The following EDRF1 variants were observed in gnomAD, a reference collection of about 807,000 sequenced individuals.
EDRF1 encodes the protein erythroid differentiation regulatory factor 1.
EDRF1 carries 69 observed loss-of-function variants against 148.7 expected under a neutral mutation model. That is an observed-to-expected ratio of 0.46 (90% CI 0.38 to 0.57). The LOEUF is 0.57. EDRF1 is among the 20% of genes least tolerant of loss of function. The pLI, the probability that EDRF1 is intolerant of heterozygous loss-of-function variation, is 0.00. For missense variants in EDRF1, 1,118 were observed against 1,478.7 expected, an observed-to-expected ratio of 0.76 and a Z score of 4.00; for synonymous variants, 515 against 532.8, an observed-to-expected ratio of 0.97 and a Z score of 0.46.
intron 24 of EDRF1, among the ~76,000 whole-genome samples, chr10:125,754,070 A>C (rs1360716860): frequency 6.6e-6 from 1 of 151,672 alleles, no homozygotes; most frequent in Non-Finnish European, 1.5e-5. Flanking sequence ...ACAAAAACTA[A>C]CCGGTATGGT....
chr10:125,749,279 G>T, intron 21 of EDRF1, 133 bp from the exon 22 acceptor site: 13 of 941,780 alleles, frequency 1.4e-5, no homozygotes, highest in Non-Finnish European at 2.2e-5. Flanking sequence ...ATGGATTAAA[G>T]ACCTAAATAT....
chr10:125,751,854 G>A (rs1589867854), intron 22 of EDRF1: 1 of 152,284 alleles, frequency 6.6e-6, no homozygotes, highest in African/African-American at 2.4e-5. Context: ...GAGTCCTGGA[G>A]AGTTCTAAGC....
chr10:125,751,272 C>G (rs1368178819), intron 22 of EDRF1, among the ~76,000 whole-genome samples: 1 of 152,192 alleles, frequency 6.6e-6, no homozygotes, highest in Non-Finnish European at 1.5e-5. Flanking sequence ...AAATGTTTTA[C>G]TACTGTGAGT....
rs968126271 is a variant in EDRF1 at position 125,745,323 on chromosome 10, G to A, written c.2591-384G>A. The A allele has an allele frequency of 2.3e-5, 5 of 221,210 alleles. 1 individual carries two copies. Among genetic ancestry groups the A allele is most frequent in the South Asian group, 1.7e-4 (2 of 12,070 alleles). 13.7% of individuals were successfully genotyped at this position (221,210 alleles called of 1,614,324 possible). On this transcript the variant is annotated intron_variant, in intron 18 of 24. Coordinates refer to ENST00000356792, the MANE Select transcript of EDRF1 (RefSeq NM_001202438.2). The stretch of plus-strand genomic sequence containing the variant: ...TTTCTACCTTGGCTTGCAGATAACC[G>A]CCTTGTCACCGTGTCCACACAGGGC...
At position 125,725,357 on chromosome 10, in the gene EDRF1, C is replaced by T. The variant is rs771783717; in HGVS notation, c.550C>T (p.Leu184Phe). The T allele has an allele frequency of 1.2e-6, 2 of 1,613,882 alleles. No individual in the cohort carries two copies. Among genetic ancestry groups the T allele is most frequent in the Admixed American group, 1.7e-5 (1 of 60,012 alleles). ...ATGGTTGAAAGAGTTTTATCAAAGACTCATTGATCAGAAGTGGCAGAGGAA... is the reference window on the plus strand; with the variant it reads ...ATGGTTGAAAGAGTTTTATCAAAGATTCATTGATCAGAAGTGGCAGAGGAA... ...WTWLKEFYQR[L>F]IDQKWQRKKK... Residue 184 changes from leucine to phenylalanine, a missense_variant, in exon 5 of 25, where the codon CTC (leucine) becomes TTC (phenylalanine). Coordinates refer to ENST00000356792, the MANE Select transcript of EDRF1 (RefSeq NM_001202438.2).
At chr10:125,739,116 A>G (rs1848884442) in intron 15 of EDRF1, among the ~76,000 whole-genome samples, 1 of 151,554 alleles carries the variant, frequency 6.6e-6, no homozygotes, top group African/African-American at 2.4e-5. Flanking sequence ...ATCAGTTTCA[A>G]TTGTTTAAAA....
chr10:125,738,397 G>A lies in EDRF1; in HGVS notation c.1933G>A (p.Gly645Arg), dbSNP rs760879899. The A allele has an allele frequency of 3.5e-5, 56 of 1,614,012 alleles. No homozygotes were observed. The highest frequency in any genetic ancestry group is 2.3e-4 in the Admixed American group (14 of 59,992). Residue 645 changes from glycine to arginine, a missense_variant, in exon 15 of 25, where the codon GGG becomes AGG. This residue lies in a region of EDRF1 where 954 missense variants were observed against 1,241.4 expected (regional missense o/e 0.77). Transcript: ENST00000356792. ...AAAATATGAAGATGAATCCTCAAGAGGGGGTCCCGAGGGGCTAGAGAAGCA... is the reference window on the plus strand; with the variant it reads ...AAAATATGAAGATGAATCCTCAAGAAGGGGTCCCGAGGGGCTAGAGAAGCA... The part of the protein sequence containing the change: ...PLKYEDESSR[G>R]GPEGLEKQMA...
intron 16 of EDRF1, 95 bp from the exon 17 acceptor site, chr10:125,740,906 G>A (rs936670842): frequency 2.7e-5 from 35 of 1,307,196 alleles, no homozygotes; most frequent in Non-Finnish European, 3.4e-5. Context: ...GTGCTACAAA[G>A]CGTTCAGCTG....
chr10:125,747,353 A>G, intron 19 of EDRF1, 183 bp from the exon 20 acceptor site: 1 of 714,108 alleles, frequency 1.4e-6, no homozygotes, highest in Non-Finnish European at 2.3e-6. Flanking sequence ...TACTCGGAAT[A>G]ACTTTCTTCA....
At chr10:125,722,687 C>T (rs2133662107) in intron 2 of EDRF1, among the ~76,000 whole-genome samples, 1 of 152,082 alleles carries the variant, frequency 6.6e-6, no homozygotes, top group Non-Finnish European at 1.5e-5. Flanking sequence ...ATAAATGTTT[C>T]TGTTTCTGTT....
At chr10:125,745,646 C>G in intron 18 of EDRF1, 61 bp from the exon 19 acceptor site, 1 of 1,551,366 alleles carries the variant, frequency 6.4e-7, no homozygotes, top group African/African-American at 1.4e-5. Context: ...CATCAAGAGA[C>G]AGTGCTAAGG....
In EDRF1 at chr10:125,763,647, TCTTCA is replaced by T. The variant is rs1460583527; in HGVS notation, c.*179_*183del. On this transcript the variant is annotated 3_prime_UTR_variant, in exon 25 of 25. Transcript: ENST00000356792. The surrounding 1 kb of genome is among the most constrained non-coding windows in gnomAD (Gnocchi z 4.3). ...CAAATTACGGTTGAGTTCTGTGGCTTCTTCACTTGAAGTGCTAACATCAGAATCAA... is the reference window on the plus strand; with the variant it reads ...CAAATTACGGTTGAGTTCTGTGGCTTCTTGAAGTGCTAACATCAGAATCAA... 1 of 735,348 alleles carries T rather than the reference TCTTCA, an allele frequency of 1.4e-6. No homozygotes were observed. Among genetic ancestry groups the T allele is most frequent in the African/African-American group, 1.8e-5 (1 of 56,458 alleles). The allele number at this position is 735,348 out of a possible 1,614,324, so 45.6% of individuals were successfully genotyped here. A position where few individuals can be genotyped will look rare whatever the true frequency, so the allele number is the denominator to read the frequency against.
At position 125,729,048 on chromosome 10, in the gene EDRF1, T is replaced by G. The variant is rs1848385983; in HGVS notation, c.838T>G (p.Ser280Ala). ...CTCATACATAGTGGGGCATGTGGCC[T>G]CAGCCCCCAAAGAACAAAACCTGAT... is the stretch of plus-strand genomic sequence containing the variant. Reference protein sequence around the residue: ...EPSYIVGHVASAPKEQNLITL... With the variant: ...EPSYIVGHVAAAPKEQNLITL... Residue 280 changes from serine to alanine, a missense_variant, in exon 7 of 25, where the codon TCA (serine) becomes GCA (alanine). Ser to Ala is a moderately conservative substitution (Grantham distance 99). Transcript: ENST00000356792. 6.3e-7 allele frequency: 1 copy of G among 1,582,950 alleles called. No homozygotes were observed. Among genetic ancestry groups the G allele is most frequent in the African/African-American group, 1.3e-5 (1 of 74,690 alleles).
intron 22 of EDRF1, among the ~76,000 whole-genome samples, chr10:125,750,073 G>A (rs955935399): frequency 6.6e-6 from 1 of 152,128 alleles, no homozygotes; most frequent in Admixed American, 6.5e-5. Flanking sequence ...CCCAGGAGGC[G>A]AAGGTTGCAG....
intron 24 of EDRF1, among the ~76,000 whole-genome samples, chr10:125,762,353 A>G (rs1264079243): frequency 1.3e-5 from 2 of 152,204 alleles, no homozygotes; most frequent in African/African-American, 4.8e-5. Flanking sequence ...CTGTAAATTC[A>G]AAATGCTAGT....
intron 24 of EDRF1, among the ~76,000 whole-genome samples, chr10:125,754,590 C>A (rs1054264864): frequency 6.6e-6 from 1 of 152,226 alleles, no homozygotes; most frequent in Non-Finnish European, 1.5e-5. Flanking sequence ...AGAGCGCACA[C>A]CTCCGCAGAA....
intron 1 of EDRF1, 79 bp downstream of exon 1, chr10:125,719,994 C>T (rs1294620469): frequency 9.0e-6 from 12 of 1,337,276 alleles, no homozygotes; most frequent in African/African-American, 1.4e-5. Context: ...TGCCACGGTT[C>T]CCGGCAGATT....
rs181275458 is a variant in EDRF1, at chr10:125,760,288, A to G, written c.3546-3013A>G. Among the ~76,000 whole-genome samples, 72 of 152,360 alleles carry G rather than the reference A, an allele frequency of 4.7e-4. 1 individual carries two copies. The highest frequency in any genetic ancestry group is 1.7e-3 in the African/African-American group (71 of 41,588). On this transcript the variant is annotated intron_variant, in intron 24 of 24. Transcript: ENST00000356792. The stretch of plus-strand genomic sequence containing the variant: ...TGATTCATTGATTTTTCACAAGTCA[A>G]TCATTTGAGTAATTGGTAATAGGTA...
chr10:125,748,366 A>G (rs971740436), intron 21 of EDRF1: 7 of 332,178 alleles, frequency 2.1e-5, no homozygotes, highest in African/African-American at 1.5e-4. Context: ...CTAGTCTATG[A>G]TTAGTGAATT....
Sources: gnomAD v4.1 joint callset for allele counts (sites outside exome capture counted in the v4.1 genomes callset) on GRCh38, gnomAD v4.1.1 for gene constraint, gnomAD v4.1.1 regional missense constraint, Gnocchi (gnomAD v3.1) non-coding constraint, MANE v1.5 for transcripts, NCBI Gene and HGNC (gene_info 2026-07-23, HGNC 2026-07-21) for gene names.